CHERP: variants seen among roughly 807,000 people sequenced by gnomAD.
The protein encoded by CHERP is ERPROT 213-21.
CHERP carries 8 observed loss-of-function variants against 113.8 expected under a neutral mutation model. The observed-to-expected ratio is 0.07, with a 90% CI of 0.04 to 0.13. The LOEUF (loss-of-function observed/expected upper bound fraction) is 0.13. CHERP is among the 10% of genes least tolerant of loss of function. The pLI is 1.00. For synonymous variants in CHERP, 559 were observed against 524.5 expected (o/e 1.07, Z -0.90); for missense variants, 884 against 1,298.2 (o/e 0.68, Z 4.90).
chr19:16,539,238 C>T (rs939835207), intron 2 of CHERP, among the ~76,000 whole-genome samples: 1 of 151,074 alleles, frequency 6.6e-6, no homozygotes. Context: ...AGCTCTGCCT[C>T]CCAGGTTCAC....
At chr19:16,537,337 G>A (rs560075773) in intron 2 of CHERP, among the ~76,000 whole-genome samples, 17 of 151,866 alleles carry the variant, frequency 1.1e-4, no homozygotes, top group African/African-American at 3.6e-4. Flanking sequence ...GCTGGGGTGC[G>A]CGGCCTGTGT....
intron 3 of CHERP, among the ~76,000 whole-genome samples, chr19:16,534,158 A>T (rs1338198618): frequency 6.6e-6 from 1 of 151,892 alleles, no homozygotes; most frequent in Non-Finnish European, 1.5e-5. Flanking sequence ...GGTTCAAGCA[A>T]TTCTGCCTCA....
chr19:16,538,990 A>C, intron 2 of CHERP, among the ~76,000 whole-genome samples: 1 of 149,790 alleles, frequency 6.7e-6, no homozygotes, highest in African/African-American at 2.5e-5. Flanking sequence ...AGACCCCACC[A>C]TCTCTCACCT....
chr19:16,528,206 A>G lies in CHERP; in HGVS notation c.1179T>C (p.Ala393=). 1 of 1,605,580 alleles carries G rather than the reference A, an allele frequency of 6.2e-7. No homozygotes were observed. The highest frequency in any genetic ancestry group is 1.3e-5 in the African/African-American group (1 of 74,498). Residue 393 remains alanine, a synonymous_variant, in exon 9 of 17, where the codon GCT becomes GCC. Transcript: ENST00000546361. ...IQMPGSSEYE[A]PGGVQDPAAA... is the part of the protein sequence containing the mutation. ...CTGCAGGATCCTGGACCCCTCCTGG[A>G]GCTTCGTACTCTGAAGAGCCAGGCA...
In CHERP at chr19:16,523,324, C is replaced by T. The variant is rs375080317; in HGVS notation, c.1742-34G>A. On this transcript the variant is annotated intron_variant, in intron 10 of 16. Transcript: ENST00000546361. This position sits in a 1 kb window ranked among gnomAD's most constrained non-coding sequence, Gnocchi z 4.0. ...CAGAGACTTGCCTCAGGACCACAGGCCAGTCAGGATCTCCCAGGCGACAAG... is the reference window on the plus strand; with the variant it reads ...CAGAGACTTGCCTCAGGACCACAGGTCAGTCAGGATCTCCCAGGCGACAAG... 4 of 1,597,190 alleles carry T rather than the reference C, an allele frequency of 2.5e-6. No homozygotes were observed. The Admixed American group carries it at 7.1e-5, about 28-fold the overall frequency.
intron 8 of CHERP, 137 bp from the exon 9 acceptor site, chr19:16,528,392 G>T: frequency 1.3e-6 from 1 of 774,348 alleles, no homozygotes. Context: ...CTAAAACCAT[G>T]ACTATCACTG....
intron 9 of CHERP, among the ~76,000 whole-genome samples, chr19:16,527,538 G>T (rs2122260929): frequency 6.6e-6 from 1 of 152,336 alleles, no homozygotes; most frequent in Non-Finnish European, 1.5e-5. Flanking sequence ...CTGTGCCTCA[G>T]TGCTGAAAGT....
rs1391481912 is a variant in CHERP, at chr19:16,517,966, G to A, written c.*1193C>T. 4 of 152,256 alleles carry A rather than the reference G, an allele frequency of 2.6e-5. No individual in the cohort carries two copies. Among genetic ancestry groups the A allele is most frequent in the Non-Finnish European group, 5.9e-5 (4 of 68,076 alleles). The allele number at this position is 152,256 out of a possible 1,614,324, so 9.4% of individuals were successfully genotyped here. On this transcript the variant is annotated 3_prime_UTR_variant, in exon 17 of 17. Transcript: ENST00000546361. ...GAAATTACTAACAGCACGTGTTTAC[G>A]TTTTATCCTGAATCATACATTTTAA...
In CHERP at chr19:16,523,339, C is replaced by A; in HGVS notation, c.1742-49G>T. ...GGACCACAGGCCAGTCAGGATCTCC[C>A]AGGCGACAAGTGCTGGAGGGGAGGG... is the stretch of plus-strand genomic sequence containing the variant. On this transcript the variant is annotated intron_variant, in intron 10 of 16. Coordinates refer to ENST00000546361, the MANE Select transcript of CHERP (RefSeq NM_006387.6). The surrounding 1 kb of genome is among the most constrained non-coding windows in gnomAD (Gnocchi z 4.0). 2 of 1,597,128 alleles carry A rather than the reference C, an allele frequency of 1.3e-6. No homozygotes were observed. The highest frequency in any genetic ancestry group is 1.7e-6 in the Non-Finnish European group (2 of 1,174,050).
In CHERP at chr19:16,525,504, C is replaced by T; in HGVS notation, c.1479G>A (p.Glu493=). The change falls in exon 10 of 17, where the codon GAG becomes GAA. Residue 493 remains glutamate, a synonymous_variant. Transcript: ENST00000546361. The surrounding 1 kb of genome is among the most constrained non-coding windows in gnomAD (Gnocchi z 6.5). ...QPDAAWNSQF[E]GPWNSQHEQP... ...GCTCGTGCTGGCTGTTCCAGGGGCC[C>T]TCGAACTGGCTGTTCCAGGCGGCGT... is the stretch of plus-strand genomic sequence containing the variant. 1 of 1,552,526 alleles carries T rather than the reference C, an allele frequency of 6.4e-7. No homozygotes were observed. The highest frequency in any genetic ancestry group is 1.2e-5 in the South Asian group (1 of 84,614).
intron 3 of CHERP, among the ~76,000 whole-genome samples, chr19:16,533,483 C>T (rs1361517653): frequency 6.6e-6 from 1 of 152,192 alleles, no homozygotes; most frequent in Non-Finnish European, 1.5e-5. Context: ...AAAGGCGGGG[C>T]GCGGTGGCTC....
rs1045043261 is a variant in CHERP at position 16,532,786 on chromosome 19, G to A, written c.523-37C>T. The stretch of plus-strand genomic sequence containing the variant: ...GAGCCAATGACGAGTGAGCAGGGCC[G>A]CGGCTCCCCCAGGCACCCACTGCAT... On this transcript the variant is annotated intron_variant, in intron 4 of 16. Coordinates refer to ENST00000546361, the MANE Select transcript of CHERP (RefSeq NM_006387.6). The surrounding 1 kb of genome is among the most constrained non-coding windows in gnomAD (Gnocchi z 4.4). 8.2e-6 allele frequency: 13 copies of A among 1,584,024 alleles called. No homozygotes were observed. The highest frequency in any genetic ancestry group is 4.0e-5 in the African/African-American group (3 of 74,510).
chr19:16,540,137 C>T (rs1206549457), intron 2 of CHERP, among the ~76,000 whole-genome samples: 1 of 152,210 alleles, frequency 6.6e-6, no homozygotes. Flanking sequence ...GATCTTGGCT[C>T]ACTGCAACCT....
rs146735737 is a variant in CHERP, at chr19:16,535,243, C to T, written c.384+209G>A. On this transcript the variant is annotated intron_variant, in intron 3 of 16. Coordinates refer to ENST00000546361, the MANE Select transcript of CHERP (RefSeq NM_006387.6). The surrounding 1 kb of genome is among the most constrained non-coding windows in gnomAD (Gnocchi z 4.3). ...GGTCCACCCCAGGGTGATGGGTGCA[C>T]GCACGTCCAGTGGCTTCACTGAGAT... Among the ~76,000 whole-genome samples, 30 of 152,324 alleles carry T rather than the reference C, an allele frequency of 2.0e-4. No individual in the cohort carries two copies. Among genetic ancestry groups the T allele is most frequent in the Non-Finnish European group, 4.4e-4 (30 of 68,020 alleles).
rs1351094570 is a variant in CHERP, at chr19:16,520,135, A to G, written c.2462+14T>C. The G allele has an allele frequency of 6.2e-7, 1 of 1,611,276 alleles. No individual in the cohort carries two copies. The highest frequency in any genetic ancestry group is 2.2e-5 in the East Asian group (1 of 44,888). Reference sequence around the variant, plus strand: ...CCCAGAGTTACCAGCGCAGCACTTAAGACAGGATCTTACGGCGGGGTGGGG... The same window carrying G: ...CCCAGAGTTACCAGCGCAGCACTTAGGACAGGATCTTACGGCGGGGTGGGG... On this transcript the variant is annotated intron_variant, in intron 15 of 16. Coordinates refer to ENST00000546361, the MANE Select transcript of CHERP (RefSeq NM_006387.6). The surrounding 1 kb of genome is among the most constrained non-coding windows in gnomAD (Gnocchi z 4.0).
In CHERP at chr19:16,535,599, G is replaced by A. The variant is rs780340924; in HGVS notation, c.237C>T (p.Ala79=). 7.8e-6 allele frequency: 12 copies of A among 1,544,522 alleles called. No homozygotes were observed. The Admixed American group carries it at 1.0e-4, about 13-fold the overall frequency. ...GCTGTGGCAGGGGTGGCATGGTGGC[G>A]GCTGGCTCCAGCTCCGGGGTCTGCT... ...CKQQTPELEP[A]ATMPPLPQPP... Residue 79 remains alanine, a synonymous_variant, in exon 3 of 17, where the codon GCC becomes GCT. Transcript: ENST00000546361. The surrounding 1 kb of genome is among the most constrained non-coding windows in gnomAD (Gnocchi z 4.3).
Position 16,519,166 on chromosome 19 carries a change from C to T in CHERP, c.2744G>A (p.Cys915Tyr), listed in dbSNP as rs1441074114. Residue 915 changes from cysteine (C) to tyrosine (Y), a missense_variant, in exon 17 of 17, where the codon TGT (cysteine) becomes TAT (tyrosine). Coordinates refer to ENST00000546361, the MANE Select transcript of CHERP (RefSeq NM_006387.6). The surrounding 1 kb of genome is among the most constrained non-coding windows in gnomAD (Gnocchi z 6.0). ...FIARMKARDE[C>Y]K is the part of the protein sequence containing the mutation. ...GGCTCCCGGCATGGGCGCCTACTTACACTCGTCCCTGGCCTTCATGCGGGC... is the reference window on the plus strand; with the variant it reads ...GGCTCCCGGCATGGGCGCCTACTTATACTCGTCCCTGGCCTTCATGCGGGC... The T allele has an allele frequency of 3.1e-6, 5 of 1,613,044 alleles. No homozygotes were observed. The Admixed American group carries it at 8.3e-5, about 27-fold the overall frequency.
At chr19:16,539,636 C>T (rs1462022476) in intron 2 of CHERP, 1 of 152,154 alleles carries the variant, frequency 6.6e-6, no homozygotes, top group African/African-American at 2.4e-5. Flanking sequence ...TTTCCCCTGG[C>T]AGTTAACACT....
rs1467547645 is a variant in CHERP, at chr19:16,518,755, C to T, written c.*404G>A. ...GAGCTGGAGGAAGGAGCTGGGGTGC[C>T]GGCTCTGGCTCAGGCCAACCCTTCC... On this transcript the variant is annotated 3_prime_UTR_variant, in exon 17 of 17. Transcript: ENST00000546361. 3.2e-5 allele frequency: 7 copies of T among 221,128 alleles called. No individual in the cohort carries two copies. The highest frequency in any genetic ancestry group is 1.9e-4 in the South Asian group (3 of 15,862). 13.7% of individuals were successfully genotyped at this position (221,128 alleles called of 1,614,324 possible).
Sources: gnomAD v4.1 joint callset for allele counts (sites outside exome capture counted in the v4.1 genomes callset) on GRCh38, gnomAD v4.1.1 for gene constraint, Gnocchi (gnomAD v3.1) non-coding constraint, MANE v1.5 for transcripts, NCBI Gene and HGNC (gene_info 2026-07-23, HGNC 2026-07-21) for gene names.